ITGA2: variants seen among roughly 807,000 people sequenced by gnomAD.
ITGA2 encodes integrin subunit alpha 2, also known as integrin alpha-2.
Under a neutral mutation model 146.3 loss-of-function variants are expected in ITGA2, and 101 were observed. That is an observed-to-expected ratio of 0.69 (90% confidence interval 0.59 to 0.81). ITGA2 has a LOEUF of 0.81. Among genes scored for constraint, ITGA2 ranks in the 40% least tolerant of loss-of-function variants. ITGA2 has a pLI of 0.00. For synonymous variants in ITGA2, 477 were observed against 487.1 expected, an observed-to-expected ratio of 0.98 and a Z score of 0.27; for missense variants, 1,281 against 1,402.7, an observed-to-expected ratio of 0.91 and a Z score of 1.39.
In ITGA2 at chr5:53,051,564, G is replaced by A. The variant is rs1744366416; in HGVS notation, c.779+5G>A. ...CGGAGCAATTCAATATGCAAGGTAA[G>A]TTTTGGTGCTAATAGGCCAATGTTT... On this transcript the variant is annotated splice_donor_5th_base_variant and intron_variant, in intron 7 of 29. Coordinates refer to ENST00000296585, the MANE Select transcript of ITGA2 (RefSeq NM_002203.4). 1 of 1,612,874 alleles carries A rather than the reference G, an allele frequency of 6.2e-7. No individual in the cohort carries two copies. The highest frequency in any genetic ancestry group is 2.2e-5 in the East Asian group (1 of 44,766).
intron 16 of ITGA2, among the ~76,000 whole-genome samples, chr5:53,067,969 A>G (rs537965086): frequency 6.6e-6 from 1 of 151,858 alleles, no homozygotes; most frequent in Admixed American, 6.6e-5. Flanking sequence ...TTATCTCACC[A>G]TGCTCAATGC....
At chr5:53,009,536 A>G (rs1742019586) in intron 1 of ITGA2, among the ~76,000 whole-genome samples, 1 of 152,180 alleles carries the variant, frequency 6.6e-6, no homozygotes, top group Non-Finnish European at 1.5e-5. Context: ...CAAATTTTCA[A>G]GCAAAATATT....
intron 16 of ITGA2, 148 bp from the exon 17 acceptor site, chr5:53,069,961 G>T: frequency 1.5e-6 from 1 of 653,182 alleles, no homozygotes; most frequent in Non-Finnish European, 2.8e-6. Context: ...TGTGGTGCTA[G>T]CTATGGTTCA....
At chr5:53,024,258 A>T (rs1348768051) in intron 1 of ITGA2, among the ~76,000 whole-genome samples, 2 of 152,248 alleles carry the variant, frequency 1.3e-5, no homozygotes, top group Non-Finnish European at 2.9e-5. Flanking sequence ...AGACATAAGC[A>T]TTAAGAAACA....
rs186245626 is a variant in ITGA2 at position 53,086,262 on chromosome 5, G to A, written c.3259-690G>A. On this transcript the variant is annotated intron_variant, in intron 27 of 29. Coordinates refer to ENST00000296585, the MANE Select transcript of ITGA2 (RefSeq NM_002203.4). ...GGAGGAATGAATGTAAAGTTATTTC[G>A]AATTAGTAAGTTACCAGTGACATCA... 8.6e-4 allele frequency among the ~76,000 whole-genome samples: 131 copies of A among 152,168 alleles called. 1 individual carries two copies. The highest frequency in any genetic ancestry group is 1.2e-3 in the Non-Finnish European group (81 of 67,998).
chr5:53,000,937 T>C (rs1442493107), intron 1 of ITGA2, among the ~76,000 whole-genome samples: 5 of 144,666 alleles, frequency 3.5e-5, no homozygotes, highest in African/African-American at 1.3e-4. Flanking sequence ...AGTCCAGCTC[T>C]GTTGTCCAGG....
At chr5:53,040,059 C>T (rs1369776952) in intron 2 of ITGA2, among the ~76,000 whole-genome samples, 3 of 151,630 alleles carry the variant, frequency 2.0e-5, no homozygotes, top group South Asian at 2.1e-4. Context: ...TTAAAAGAGC[C>T]GGGGGACTTC....
intron 1 of ITGA2, among the ~76,000 whole-genome samples, chr5:53,018,600 G>C (rs1193430288): frequency 1.3e-5 from 2 of 152,062 alleles, no homozygotes; most frequent in Non-Finnish European, 2.9e-5. Context: ...TGGTTTCTCG[G>C]TCGGAGAGGT....
At chr5:53,040,688 GC>G (rs1315116206) in intron 2 of ITGA2, among the ~76,000 whole-genome samples, 1 of 152,182 alleles carries the variant, frequency 6.6e-6, no homozygotes, top group African/African-American at 2.4e-5. Context: ...ATTAAAGTGT[GC>G]TAGAGTGTTC....
chr5:53,016,249 C>A (rs572953036), intron 1 of ITGA2, among the ~76,000 whole-genome samples: 1 of 152,150 alleles, frequency 6.6e-6, no homozygotes, highest in African/African-American at 2.4e-5. Flanking sequence ...TCTAGCACCC[C>A]CTTAAGGACC....
At chr5:53,009,242 T>C (rs1161371637) in intron 1 of ITGA2, among the ~76,000 whole-genome samples, 2 of 152,164 alleles carry the variant, frequency 1.3e-5, no homozygotes, top group Admixed American at 6.5e-5. Context: ...TTAAGTTGAA[T>C]GGTAGTCTCC....
intron 1 of ITGA2, among the ~76,000 whole-genome samples, chr5:53,017,366 C>T (rs1161797929): frequency 6.6e-6 from 1 of 152,258 alleles, no homozygotes; most frequent in Non-Finnish European, 1.5e-5. Flanking sequence ...CAGCCCTGCA[C>T]TCCTAGGCTT....
intron 1 of ITGA2, among the ~76,000 whole-genome samples, chr5:53,018,823 G>T (rs887404885): frequency 6.6e-6 from 1 of 152,090 alleles, no homozygotes; most frequent in African/African-American, 2.4e-5. Context: ...CAGCACTTTG[G>T]GAGGCCGAGG....
rs184573009 is a variant in ITGA2 at position 53,040,374 on chromosome 5, A to C, written c.186-1738A>C. ...ATGGAGAAAATCAAGGCTCTGGAAGACAATTTTCTTGGTACCGACTCTATA... is the reference window on the plus strand; with the variant it reads ...ATGGAGAAAATCAAGGCTCTGGAAGCCAATTTTCTTGGTACCGACTCTATA... On this transcript the variant is annotated intron_variant, in intron 2 of 29. Transcript: ENST00000296585. 2.0e-5 allele frequency among the ~76,000 whole-genome samples: 3 copies of C among 152,354 alleles called. No individual in the cohort carries two copies. In the East Asian group the frequency reaches 5.8e-4, roughly 29 times the overall value.
At chr5:53,078,392 A>G (rs1397704512) in intron 23 of ITGA2, among the ~76,000 whole-genome samples, 2 of 152,130 alleles carry the variant, frequency 1.3e-5, no homozygotes, top group Non-Finnish European at 2.9e-5. Context: ...AAATCCATTC[A>G]TTCAACTAAC....
At chr5:53,077,640 A>C (rs1745721623) in intron 23 of ITGA2, among the ~76,000 whole-genome samples, 1 of 152,064 alleles carries the variant, frequency 6.6e-6, no homozygotes, top group African/African-American at 2.4e-5. Context: ...TTCAAATCCT[A>C]GTCAGTTTTC....
chr5:53,045,332 C>A (rs534473437), intron 4 of ITGA2, among the ~76,000 whole-genome samples: 1 of 152,292 alleles, frequency 6.6e-6, no homozygotes, highest in African/African-American at 2.4e-5. Flanking sequence ...ACAAAAAGAA[C>A]CCTGATTCTT....
At chr5:53,082,664 A>G (rs187703265) in intron 26 of ITGA2, among the ~76,000 whole-genome samples, 2 of 152,278 alleles carry the variant, frequency 1.3e-5, no homozygotes, top group East Asian at 1.9e-4. Flanking sequence ...ATGAAACTAC[A>G]TTACTATATC....
intron 7 of ITGA2, among the ~76,000 whole-genome samples, chr5:53,052,384 G>T (rs188546908): frequency 2.6e-4 from 39 of 152,162 alleles, no homozygotes; most frequent in Non-Finnish European, 4.9e-4. Context: ...TGCTGAGAAT[G>T]ATGGTTTCCA....
Sources: allele counts gnomAD v4.1 joint callset (sites outside exome capture counted in the v4.1 genomes callset), GRCh38; gene constraint gnomAD v4.1.1; transcripts MANE v1.5; gene names NCBI Gene and HGNC (gene_info 2026-07-23, HGNC 2026-07-21).